Variants in ACSL5 observed in about 807,000 individuals in gnomAD.
The protein encoded by ACSL5 is long-chain-fatty-acid--CoA ligase 5.
In ACSL5, 50 loss-of-function variants were observed where a neutral mutation model predicts 84.9. The ratio of observed to expected loss-of-function variants is 0.59; its 90% confidence interval spans 0.47 to 0.75. The LOEUF is 0.75. Ranked by LOEUF, ACSL5 falls within the 30% of genes least tolerant of loss-of-function variation. ACSL5 has a pLI of 0.00. For synonymous variants in ACSL5, 280 were observed against 300.7 expected (o/e 0.93, Z 0.71); for missense variants, 775 against 830.4 (o/e 0.93, Z 0.82).
At chr10:112,379,126 C>G (rs190038358) in intron 1 of ACSL5, among the ~76,000 whole-genome samples, 11 of 152,084 alleles carry the variant, frequency 7.2e-5, no homozygotes, top group Admixed American at 2.0e-4. Flanking sequence ...GCTTGTTGGC[C>G]GGGCGCAGTG....
intron 2 of ACSL5, among the ~76,000 whole-genome samples, chr10:112,396,773 C>G (rs1293315665): frequency 6.6e-6 from 1 of 152,092 alleles, no homozygotes; most frequent in Admixed American, 6.5e-5. Context: ...AGTTAATAGT[C>G]TGAAACATCT....
Position 112,376,374 on chromosome 10 carries a change from C to T in ACSL5, c.-30+2105C>T, listed in dbSNP as rs200599528. On this transcript the variant is annotated intron_variant, in intron 1 of 20. Transcript: ENST00000354655. ...GAGCGAGGGAAGAAGGACAGGGACT[C>T]GTGTGGCAGGAAGAACTCAGAGCCG... 5.1e-5 allele frequency: 83 copies of T among 1,614,058 alleles called. No individual in the cohort carries two copies. Among genetic ancestry groups the T allele is most frequent in the South Asian group, 8.8e-5 (8 of 91,074 alleles).
chr10:112,375,703 C>T (rs1301995074), intron 1 of ACSL5, among the ~76,000 whole-genome samples: 1 of 152,116 alleles, frequency 6.6e-6, no homozygotes, highest in Non-Finnish European at 1.5e-5. Flanking sequence ...GCGAAAGAAT[C>T]GATTTTTAAG....
chr10:112,401,512 A>G (rs949259245), intron 3 of ACSL5, among the ~76,000 whole-genome samples: 1 of 152,246 alleles, frequency 6.6e-6, no homozygotes, highest in Non-Finnish European at 1.5e-5. Flanking sequence ...GGCTCTTTGT[A>G]GATGGCCACA....
chr10:112,390,272 A>G (rs1055925347), intron 1 of ACSL5, among the ~76,000 whole-genome samples: 1 of 152,204 alleles, frequency 6.6e-6, no homozygotes, highest in African/African-American at 2.4e-5. Context: ...CAAGAAGCAC[A>G]TAAAAAAATG....
chr10:112,419,133 A>AGTGTGTG (rs1343086837), intron 14 of ACSL5: 1 of 68,192 alleles, frequency 1.5e-5, no homozygotes, highest in East Asian at 3.6e-4. Flanking sequence ...TGTGTGTGTA[A>AGTGTGTG]TAATGTATAT....
chr10:112,394,199 C>T (rs933522434), intron 1 of ACSL5, among the ~76,000 whole-genome samples: 1 of 152,212 alleles, frequency 6.6e-6, no homozygotes, highest in Non-Finnish European at 1.5e-5. Context: ...CTTGACCTAA[C>T]TCTTCAATGC....
At chr10:112,394,788 G>A in intron 1 of ACSL5, 130 bp from the exon 2 acceptor site, 1 of 1,495,486 alleles carries the variant, frequency 6.7e-7, no homozygotes, top group South Asian at 1.4e-5. Context: ...AACTGTGTTT[G>A]AGGGTTTGAA....
intron 12 of ACSL5, among the ~76,000 whole-genome samples, chr10:112,413,837 G>A (rs1844246876): frequency 6.6e-6 from 1 of 152,136 alleles, no homozygotes; most frequent in African/African-American, 2.4e-5. Flanking sequence ...AAGAGACTTG[G>A]GGGGCCCCTC....
chr10:112,426,301 C>A lies in ACSL5; in HGVS notation c.1781C>A (p.Pro594His), dbSNP rs764394466. Residue 594 changes from proline (P) to histidine (H), a missense_variant, in exon 19 of 21, where the codon CCC becomes CAC. Physicochemically the swap from Pro to His is moderately conservative, Grantham distance 77. Coordinates refer to ENST00000354655, the MANE Select transcript of ACSL5 (RefSeq NM_203379.2). ...GTGGTTCCTGACACAGATGTACTTC[C>A]CTCATTTGCAGCCAAGCTTGGGGTG... ...GVVVPDTDVL[P>H]SFAAKLGVKG... 2 of 1,614,114 alleles carry A rather than the reference C, an allele frequency of 1.2e-6. No homozygotes were observed. The highest frequency in any genetic ancestry group is 3.3e-5 in the Admixed American group (2 of 60,022).
intron 5 of ACSL5, among the ~76,000 whole-genome samples, chr10:112,405,948 G>C (rs934085891): frequency 1.3e-5 from 2 of 152,112 alleles, no homozygotes; most frequent in African/African-American, 4.8e-5. Context: ...TGAGTGGGTT[G>C]AGGAGGAGGG....
In ACSL5 at chr10:112,428,290, T is replaced by C. The variant is rs1041823715; in HGVS notation, c.*932T>C. On this transcript the variant is annotated 3_prime_UTR_variant, in exon 21 of 21. Coordinates refer to ENST00000354655, the MANE Select transcript of ACSL5 (RefSeq NM_203379.2). The stretch of plus-strand genomic sequence containing the variant: ...CAACTGATCTCCCCCACCCTTGGAT[T>C]AGAGTTCCTGCTCTACCTTACCCAC... 7 of 392,386 alleles carry C rather than the reference T, an allele frequency of 1.8e-5. No homozygotes were observed. The highest frequency in any genetic ancestry group is 1.0e-4 in the African/African-American group (5 of 48,484). The allele number at this position is 392,386 out of a possible 1,614,324, so 24.3% of individuals were successfully genotyped here.
chr10:112,413,847 C>A (rs530022555), intron 12 of ACSL5, among the ~76,000 whole-genome samples: 1 of 152,198 alleles, frequency 6.6e-6, no homozygotes, highest in African/African-American at 2.4e-5. Flanking sequence ...GGGGGCCCCT[C>A]AGGGTTCAGC....
chr10:112,416,974 C>T lies in ACSL5; in HGVS notation c.1170C>T (p.Ile390=), dbSNP rs373432818. 3 of 1,613,900 alleles carry T rather than the reference C, an allele frequency of 1.9e-6. No individual in the cohort carries two copies. The African/African-American group carries it at 4.0e-5, about 22-fold the overall frequency. Residue 390 remains isoleucine, a synonymous_variant, in exon 13 of 21, where the codon ATC becomes ATT. Transcript: ENST00000354655. Reference sequence around the variant, plus strand: ...AATTCAAAGAGCTTCAAAAGGGTATCATCAGGCATGATAGTTTCTGGGACA... The same window carrying T: ...AATTCAAAGAGCTTCAAAAGGGTATTATCAGGCATGATAGTTTCTGGGACA... ...SSKFKELQKG[I]IRHDSFWDKL...
intron 2 of ACSL5, chr10:112,396,285 C>T (rs1489575914): frequency 6.6e-6 from 1 of 152,168 alleles, no homozygotes; most frequent in Non-Finnish European, 1.5e-5. Flanking sequence ...GTTTTATTCT[C>T]AGCATCTCTT....
intron 3 of ACSL5, among the ~76,000 whole-genome samples, chr10:112,404,092 T>C (rs1047395235): frequency 1.3e-5 from 2 of 152,234 alleles, no homozygotes; most frequent in East Asian, 3.8e-4. Context: ...ATGATTCATA[T>C]TTTAACTTTT....
intron 8 of ACSL5, 32 bp downstream of exon 8, chr10:112,410,527 G>T: frequency 6.2e-7 from 1 of 1,614,130 alleles, no homozygotes; most frequent in African/African-American, 1.3e-5. Flanking sequence ...TTTGAGCCTT[G>T]CCATAGTCAA....
chr10:112,426,883 A>G, intron 20 of ACSL5, 24 bp downstream of exon 20: 1 of 1,555,832 alleles, frequency 6.4e-7, no homozygotes, highest in East Asian at 2.2e-5. Flanking sequence ...CTGATGTTAT[A>G]CTGGCCTCTT....
intron 12 of ACSL5, among the ~76,000 whole-genome samples, chr10:112,414,758 A>G (rs576115053): frequency 1.4e-4 from 22 of 152,028 alleles, no homozygotes; most frequent in Non-Finnish European, 2.9e-4. Context: ...AGATGTCTCA[A>G]CCTCATCTTG....
Sources: allele counts gnomAD v4.1 joint callset (sites outside exome capture counted in the v4.1 genomes callset), GRCh38; gene constraint gnomAD v4.1.1; transcripts MANE v1.5; gene names NCBI Gene and HGNC (gene_info 2026-07-23, HGNC 2026-07-21).